Variants in TBC1D10A observed in about 807,000 individuals in gnomAD.
TBC1D10A encodes the protein TBC1 domain family member 10A.
Under a neutral mutation model 52.9 loss-of-function variants are expected in TBC1D10A, and 24 were observed. The ratio of observed to expected loss-of-function variants is 0.45; its 90% confidence interval spans 0.33 to 0.64. The LOEUF (loss-of-function observed/expected upper bound fraction) is 0.64, where lower values mean the gene tolerates loss of function less well. Ranked by LOEUF, TBC1D10A falls within the 30% of genes least tolerant of loss-of-function variation. The probability of loss-of-function intolerance (pLI) is 0.02; values close to 1 mark genes in which losing one functional copy is unlikely to be tolerated. For synonymous variants in TBC1D10A, 278 were observed against 282.9 expected, an observed-to-expected ratio of 0.98 and a Z score of 0.17; for missense variants, 602 against 687.9, an observed-to-expected ratio of 0.88 and a Z score of 1.40.
chr22:30,314,087 C>T (rs1930485365), intron 1 of TBC1D10A, among the ~76,000 whole-genome samples: 1 of 152,168 alleles, frequency 6.6e-6, no homozygotes, highest in Admixed American at 6.5e-5. Context: ...ATTATCAACT[C>T]CCTTTTGTGA....
chr22:30,303,413 C>T (rs1377063531), intron 2 of TBC1D10A, among the ~76,000 whole-genome samples: 1 of 152,246 alleles, frequency 6.6e-6, no homozygotes, highest in African/African-American at 2.4e-5. Context: ...TCTCATAGCA[C>T]AGGGCTTCAC....
chr22:30,324,701 C>A (rs1160168946), intron 1 of TBC1D10A, among the ~76,000 whole-genome samples: 1 of 152,200 alleles, frequency 6.6e-6, no homozygotes, highest in Non-Finnish European at 1.5e-5. Flanking sequence ...CTACTTGTGA[C>A]AAGCGCTGTG....
chr22:30,325,509 C>G (rs1569166177), intron 1 of TBC1D10A, among the ~76,000 whole-genome samples: 1 of 152,164 alleles, frequency 6.6e-6, no homozygotes, highest in Non-Finnish European at 1.5e-5. Context: ...GGAAAGCACA[C>G]ATCAGGAGGG....
At chr22:30,304,758 C>G (rs1930277193) in intron 1 of TBC1D10A, 128 bp from the exon 2 acceptor site, 1 of 1,447,146 alleles carries the variant, frequency 6.9e-7, no homozygotes, top group Non-Finnish European at 9.1e-7. Flanking sequence ...CCCTTCAGGA[C>G]TGCTACCTCG....
At chr22:30,312,631 T>G (rs1930448794) in intron 1 of TBC1D10A, among the ~76,000 whole-genome samples, 1 of 152,124 alleles carries the variant, frequency 6.6e-6, no homozygotes, top group African/African-American at 2.4e-5. Context: ...CTCAAGGCCC[T>G]CCTGTTCCCC....
intron 1 of TBC1D10A, among the ~76,000 whole-genome samples, chr22:30,321,772 G>A (rs1472692440): frequency 6.6e-6 from 1 of 152,112 alleles, no homozygotes; most frequent in Non-Finnish European, 1.5e-5. Context: ...AAGAAGGTCA[G>A]GGACCACCTC....
chr22:30,308,916 A>G (rs1204726286), intron 1 of TBC1D10A, among the ~76,000 whole-genome samples: 1 of 152,232 alleles, frequency 6.6e-6, no homozygotes, highest in Non-Finnish European at 1.5e-5. Flanking sequence ...GCCTGATCAG[A>G]AAGGTTGTAT....
chr22:30,294,804 C>T lies in TBC1D10A; in HGVS notation c.697G>A (p.Glu233Lys), dbSNP rs1335757153. The T allele has an allele frequency of 1.9e-6, 3 of 1,614,126 alleles. No individual in the cohort carries two copies. The highest frequency in any genetic ancestry group is 1.7e-6 in the Non-Finnish European group (2 of 1,180,034). The stretch of plus-strand genomic sequence containing the variant: ...GGCCAGGCGACACTCACCAGTTTCT[C>T]GCTGTAGTAGCCGGGCAGGTACTTC... Reference protein sequence around the residue: ...CEKYLPGYYSEKLEAIQLDGE... With the variant: ...CEKYLPGYYSKKLEAIQLDGE... Residue 233 changes from glutamate to lysine, a missense_variant, in exon 6 of 9, where the codon GAG becomes AAG. Glu to Lys is a moderately conservative substitution (Grantham distance 56). Coordinates refer to ENST00000215790, the MANE Select transcript of TBC1D10A (RefSeq NM_031937.3).
chr22:30,293,566 G>A, intron 8 of TBC1D10A, 85 bp downstream of exon 8: 1 of 1,511,408 alleles, frequency 6.6e-7, no homozygotes. Context: ...CCACCCTCAG[G>A]GGCTGAGGGT....
rs146851656 is a variant in TBC1D10A, at chr22:30,306,674, G to C, written c.210-2044C>G. On this transcript the variant is annotated intron_variant, in intron 1 of 8. Coordinates refer to ENST00000215790, the MANE Select transcript of TBC1D10A (RefSeq NM_031937.3). Reference sequence around the variant, plus strand: ...GCATGTCAATTGAAAGATCTGTTTTGATTTTTTAAATCCTAAATTAGGAAA... The same window carrying C: ...GCATGTCAATTGAAAGATCTGTTTTCATTTTTTAAATCCTAAATTAGGAAA... 2.8e-3 allele frequency among the ~76,000 whole-genome samples: 433 copies of C among 152,320 alleles called. 2 individuals carry two copies. Among genetic ancestry groups the C allele is most frequent in the African/African-American group, 9.4e-3 (390 of 41,586 alleles).
intron 1 of TBC1D10A, among the ~76,000 whole-genome samples, chr22:30,307,010 C>T (rs1254188361): frequency 6.6e-6 from 1 of 152,140 alleles, no homozygotes; most frequent in African/African-American, 2.4e-5. Flanking sequence ...TAGGCAAGTC[C>T]CCTTTCTTCT....
intron 3 of TBC1D10A, chr22:30,298,914 C>G (rs1930142415): frequency 2.0e-5 from 3 of 152,956 alleles, no homozygotes; most frequent in African/African-American, 7.2e-5. Context: ...GGGTTTGGCT[C>G]TGCTACTCCT....
rs772548207 is a variant in TBC1D10A, at chr22:30,302,798, C to T, written c.309+1733G>A. 6.6e-5 allele frequency among the ~76,000 whole-genome samples: 10 copies of T among 152,300 alleles called. 2 individuals carry two copies. The highest frequency in any genetic ancestry group is 5.9e-4 in the Admixed American group (9 of 15,300). Reference sequence around the variant, plus strand: ...TGCTACTCTGCTGAGAGGTGCTCCCCGAAGCTCCCCTCTGGAATCCCGATT... The same window carrying T: ...TGCTACTCTGCTGAGAGGTGCTCCCTGAAGCTCCCCTCTGGAATCCCGATT... On this transcript the variant is annotated intron_variant, in intron 2 of 8. Transcript: ENST00000215790.
chr22:30,307,492 T>C (rs1930332433), intron 1 of TBC1D10A, among the ~76,000 whole-genome samples: 1 of 152,084 alleles, frequency 6.6e-6, no homozygotes, highest in East Asian at 1.9e-4. Context: ...CCTAGTAACT[T>C]CCACCGTAAT....
intron 2 of TBC1D10A, 67 bp from the exon 3 acceptor site, chr22:30,299,618 G>A (rs777789261): frequency 9.0e-6 from 13 of 1,450,154 alleles, no homozygotes; most frequent in Non-Finnish European, 1.2e-5. Flanking sequence ...CAGCCCCTCT[G>A]CCAATGCGTG....
At chr22:30,318,719 T>C (rs1930589053) in intron 1 of TBC1D10A, 1 of 471,064 alleles carries the variant, frequency 2.1e-6, no homozygotes, top group Non-Finnish European at 4.4e-6. Flanking sequence ...AGCCTCTTTA[T>C]CCTCACTGCT....
chr22:30,319,865 G>C (rs904662320), intron 1 of TBC1D10A, among the ~76,000 whole-genome samples: 1 of 152,230 alleles, frequency 6.6e-6, no homozygotes, highest in African/African-American at 2.4e-5. Context: ...TGATCAGCTA[G>C]GACAACGGAT....
At chr22:30,295,667 G>C (rs762900254) in intron 4 of TBC1D10A, 70 bp downstream of exon 4, 101 of 1,494,348 alleles carry the variant, frequency 6.8e-5, no homozygotes, top group Non-Finnish European at 8.7e-5. Flanking sequence ...TGAACTCACT[G>C]TACCTCCTTA....
Position 30,292,693 on chromosome 22 carries a change from G to A in TBC1D10A, c.1209C>T (p.Ala403=). The stretch of plus-strand genomic sequence containing the variant: ...GGCGGATGGATGGTGAAGGTTGTAG[G>A]GCAGGCCGGGGACCAGGTTCTGCAT... ...ILDAEPGPRP[A]LQPSPSIRLP... is the part of the protein sequence containing the mutation. The change falls in exon 9 of 9, where the codon GCC becomes GCT. Residue 403 remains alanine, a synonymous_variant. Coordinates refer to ENST00000215790, the MANE Select transcript of TBC1D10A (RefSeq NM_031937.3). The A allele has an allele frequency of 6.2e-7, 1 of 1,608,410 alleles. No individual in the cohort carries two copies. The highest frequency in any genetic ancestry group is 1.7e-5 in the Admixed American group (1 of 59,752).
Sources: allele counts gnomAD v4.1 joint callset (sites outside exome capture counted in the v4.1 genomes callset), GRCh38; gene constraint gnomAD v4.1.1; transcripts MANE v1.5; gene names NCBI Gene and HGNC (gene_info 2026-07-23, HGNC 2026-07-21).